Variants in TSPAN14 observed in about 807,000 individuals in gnomAD.
The protein encoded by TSPAN14 is tetraspanin 14.
In TSPAN14, 16 loss-of-function variants were observed where a neutral mutation model predicts 36.6. That is an observed-to-expected ratio of 0.44 (90% CI 0.30 to 0.66). The LOEUF is 0.66. Ranked by LOEUF, TSPAN14 falls within the 30% of genes least tolerant of loss-of-function variation. The pLI is 0.12. For missense variants in TSPAN14, 231 were observed against 355.1 expected (o/e 0.65, Z 2.81); for synonymous variants, 139 against 143.8 (o/e 0.97, Z 0.24).
exon 9 of TSPAN14, chr10:80,518,198 T>C (rs1305554243): frequency 5.1e-6 from 3 of 582,646 alleles, no homozygotes; most frequent in Non-Finnish European, 9.2e-6. Context: ...CTCTGGAGTC[T>C]ACCCAGAGAC....
chr10:80,512,854 C>T (rs984166748), intron 6 of TSPAN14, among the ~76,000 whole-genome samples: 4 of 150,404 alleles, frequency 2.7e-5, no homozygotes, highest in Non-Finnish European at 4.4e-5. Flanking sequence ...CCACCACACC[C>T]GGCTAATTAT....
At chr10:80,518,814 C>T (rs1009948442) in exon 9 of TSPAN14, 1 of 152,932 alleles carries the variant, frequency 6.5e-6, no homozygotes, top group East Asian at 1.9e-4. Context: ...CTCTTCCTCT[C>T]CTCCAGCATT....
intron 4 of TSPAN14, among the ~76,000 whole-genome samples, chr10:80,508,151 T>C (rs1248896216): frequency 6.6e-6 from 1 of 151,144 alleles, no homozygotes; most frequent in Non-Finnish European, 1.5e-5. Flanking sequence ...AGTCTCGCTC[T>C]GTTGCCCAGG....
At chr10:80,472,787 G>T (rs562066847) in intron 1 of TSPAN14, among the ~76,000 whole-genome samples, 4 of 152,068 alleles carry the variant, frequency 2.6e-5, no homozygotes, top group African/African-American at 9.7e-5. Flanking sequence ...GTTAAAATCC[G>T]TTGTTATTAT....
intron 1 of TSPAN14, among the ~76,000 whole-genome samples, chr10:80,469,394 T>C (rs984789832): frequency 3.3e-5 from 5 of 152,218 alleles, no homozygotes; most frequent in African/African-American, 1.2e-4. Context: ...TATTTTGTAG[T>C]AGTTTTGCAG....
chr10:80,478,865 T>C (rs1051208127), intron 1 of TSPAN14, among the ~76,000 whole-genome samples: 1 of 152,188 alleles, frequency 6.6e-6, no homozygotes, highest in Non-Finnish European at 1.5e-5. Flanking sequence ...CCATTAAGAA[T>C]ATAAAAATTC....
intron 1 of TSPAN14, among the ~76,000 whole-genome samples, chr10:80,460,490 C>CT (rs753160148): frequency 2.8e-4 from 42 of 152,174 alleles, no homozygotes; most frequent in Non-Finnish European, 2.4e-4. Context: ...GACAGAATCT[C>CT]TGTCAGTATC....
At chr10:80,487,743 A>C (rs1008341877) in intron 1 of TSPAN14, among the ~76,000 whole-genome samples, 1 of 100,046 alleles carries the variant, frequency 1.0e-5, no homozygotes, top group African/African-American at 3.9e-5. Context: ...GGGCGGTGGT[A>C]GGGGGGAGGT....
intron 2 of TSPAN14, 62 bp from the exon 3 acceptor site, chr10:80,504,666 A>C: frequency 6.2e-7 from 1 of 1,604,634 alleles, no homozygotes; most frequent in African/African-American, 1.3e-5. Context: ...TGCTCTGTGA[A>C]GCATGTTCAC....
chr10:80,462,002 C>T (rs1845998050), intron 1 of TSPAN14, among the ~76,000 whole-genome samples: 1 of 151,956 alleles, frequency 6.6e-6, no homozygotes, highest in South Asian at 2.1e-4. Flanking sequence ...AGGCCTCCAC[C>T]TTCCTGGCTC....
chr10:80,516,988 T>C (rs1405505867), intron 8 of TSPAN14, among the ~76,000 whole-genome samples: 4 of 152,192 alleles, frequency 2.6e-5, no homozygotes, highest in African/African-American at 9.6e-5. Flanking sequence ...GGAGAAGAAC[T>C]GGCAGAGAAA....
chr10:80,514,190 C>G, intron 7 of TSPAN14, 127 bp downstream of exon 7: 1 of 841,598 alleles, frequency 1.2e-6, no homozygotes, highest in Non-Finnish European at 2.0e-6. Context: ...CTTGATGCCA[C>G]CTAAGCTGAG....
chr10:80,477,848 C>T (rs1847006560), intron 1 of TSPAN14, among the ~76,000 whole-genome samples: 2 of 152,288 alleles, frequency 1.3e-5, no homozygotes, highest in East Asian at 1.9e-4. Context: ...AGAACATTGA[C>T]AGCCAGGCCC....
At chr10:80,468,759 C>T (rs1490342091) in intron 1 of TSPAN14, 16 of 140,076 alleles carry the variant, frequency 1.1e-4, no homozygotes, top group South Asian at 2.2e-4. Context: ...TCTGACTGTG[C>T]GCTCAGTGGT....
At chr10:80,514,240 G>A (rs546869257) in intron 7 of TSPAN14, among the ~76,000 whole-genome samples, 177 bp downstream of exon 7, 4 of 152,274 alleles carry the variant, frequency 2.6e-5, no homozygotes, top group East Asian at 3.9e-4. Context: ...CTGAGCTGGC[G>A]GCAGGACTCC....
At chr10:80,512,212 C>T (rs1170312923) in exon 6 of TSPAN14, 4 of 1,614,210 alleles carry the variant, frequency 2.5e-6, no homozygotes, top group Non-Finnish European at 8.5e-7. Flanking sequence ...GCAGCGGTGC[C>T]AGCTACAGCC....
chr10:80,471,234 A>C (rs1274273627), intron 1 of TSPAN14, among the ~76,000 whole-genome samples: 1 of 152,150 alleles, frequency 6.6e-6, no homozygotes, highest in Non-Finnish European at 1.5e-5. Flanking sequence ...CTGAACATGT[A>C]GAAACAAGTC....
intron 1 of TSPAN14, among the ~76,000 whole-genome samples, chr10:80,466,221 A>G (rs1846237942): frequency 6.6e-6 from 1 of 152,214 alleles, no homozygotes; most frequent in Non-Finnish European, 1.5e-5. Context: ...AGCAAGCCTC[A>G]GCCCCAGATA....
chr10:80,459,402 A>G (rs892707021), intron 1 of TSPAN14: 1 of 152,552 alleles, frequency 6.6e-6, no homozygotes, highest in Non-Finnish European at 1.5e-5. Flanking sequence ...TCAGCTAGAT[A>G]GCTGGAGGAA....
Sources: allele counts gnomAD v4.1 joint callset (sites outside exome capture counted in the v4.1 genomes callset), GRCh38; gene constraint gnomAD v4.1.1; transcripts MANE v1.5; gene names NCBI Gene and HGNC (gene_info 2026-07-23, HGNC 2026-07-21).